The following SLC6A15 variants were observed in gnomAD, a reference collection of about 807,000 sequenced individuals.
SLC6A15 encodes sodium-dependent neutral amino acid transporter B(0)AT2.
A neutral mutation model predicts 68.5 loss-of-function variants in SLC6A15; 33 were observed. The ratio of observed to expected loss-of-function variants is 0.48; its 90% confidence interval spans 0.37 to 0.64. The LOEUF (loss-of-function observed/expected upper bound fraction) is 0.64. SLC6A15 is among the 30% of genes least tolerant of loss of function. SLC6A15 has a pLI of 0.00. For synonymous variants in SLC6A15, 347 were observed against 301.0 expected (o/e 1.15, Z -1.58); for missense variants, 747 against 874.3 (o/e 0.85, Z 1.84).
At chr12:84,884,151 A>AG (rs1871968041) in intron 4 of SLC6A15, 111 bp from the exon 5 acceptor site, 1 of 792,814 alleles carries the variant, frequency 1.3e-6, no homozygotes, top group Admixed American at 2.5e-5. Flanking sequence ...GAAAAGTACT[A>AG]CCATTGTATA....
chr12:84,892,051 G>T lies in SLC6A15; in HGVS notation c.70C>A (p.Leu24Ile). ...DDVTESVKDLLSNEDAADDAF... is the reference protein window; with the variant it reads ...DDVTESVKDLISNEDAADDAF... ...TCATCAGCTGCGTCTTCATTGGAAA[G>T]AAGGTCTTTGACAGACTCAGTAACA... The change falls in exon 2 of 12, where the codon CTT becomes ATT. Residue 24 changes from leucine to isoleucine, a missense_variant. Transcript: ENST00000266682. 6.2e-7 allele frequency: 1 copy of T among 1,612,228 alleles called. No individual in the cohort carries two copies. Among genetic ancestry groups the T allele is most frequent in the Non-Finnish European group, 8.5e-7 (1 of 1,179,382 alleles).
intron 5 of SLC6A15, chr12:84,882,099 T>C: frequency 1.0e-6 from 1 of 985,402 alleles, no homozygotes. Flanking sequence ...AATAGTTCTT[T>C]AAGTGATGCT....
Position 84,892,035 on chromosome 12 carries a change from GC to G in SLC6A15, c.85del (p.Ala29GlnfsTer11), listed in dbSNP as rs1338179186. 1 of 1,613,526 alleles carries G rather than the reference GC, an allele frequency of 6.2e-7. No homozygotes were observed. Among genetic ancestry groups the G allele is most frequent in the African/African-American group, 1.3e-5 (1 of 74,744 alleles). ...ACTTGTCTTAAAAGCATCATCAGCT[GC>G]GTCTTCATTGGAAAGAAGGTCTTTG... is the stretch of plus-strand genomic sequence containing the variant. ...SVKDLLSNED[A>X]ADDAFKTSEL... On this transcript the variant is annotated frameshift_variant, in exon 2 of 12. Transcript: ENST00000266682. LOFTEE classifies it high-confidence loss of function.
At position 84,861,655 on chromosome 12, in the gene SLC6A15, C is replaced by G; in HGVS notation, c.2170G>C (p.Asp724His). ...AGCTACAAATCAGATTCTGGCATATCTGGCATAATATCTGCCATCAAGTAC... is the reference window on the plus strand; with the variant it reads ...AGCTACAAATCAGATTCTGGCATATGTGGCATAATATCTGCCATCAAGTAC... ...IGYLMADIMP[D>H]MPESDL The change falls in exon 12 of 12, where the codon GAT becomes CAT. Residue 724 changes from aspartate to histidine, a missense_variant. Coordinates refer to ENST00000266682, the MANE Select transcript of SLC6A15 (RefSeq NM_182767.6). The G allele has an allele frequency of 6.3e-7, 1 of 1,599,462 alleles. No individual in the cohort carries two copies. Among genetic ancestry groups the G allele is most frequent in the South Asian group, 1.1e-5 (1 of 90,264 alleles).
At chr12:84,873,503 T>C (rs1382183424) in intron 6 of SLC6A15, among the ~76,000 whole-genome samples, 175 bp from the exon 7 acceptor site, 1 of 152,198 alleles carries the variant, frequency 6.6e-6, no homozygotes, top group African/African-American at 2.4e-5. Flanking sequence ...AAACAAATAA[T>C]TATGAGTAAG....
At chr12:84,888,180 G>C (rs138115825) in intron 2 of SLC6A15, among the ~76,000 whole-genome samples, 1 of 148,432 alleles carries the variant, frequency 6.7e-6, no homozygotes, top group Non-Finnish European at 1.5e-5. Context: ...ACTGACTCTT[G>C]AGTCCAGAGA....
intron 8 of SLC6A15, among the ~76,000 whole-genome samples, chr12:84,871,880 C>T (rs566496805): frequency 2.6e-5 from 4 of 152,208 alleles, no homozygotes; most frequent in Admixed American, 6.5e-5. Context: ...CGGTTGGGCA[C>T]GGTGGCTGAG....
At chr12:84,886,829 T>C (rs887573093) in intron 2 of SLC6A15, among the ~76,000 whole-genome samples, 39 of 152,322 alleles carry the variant, frequency 2.6e-4, no homozygotes, top group African/African-American at 9.1e-4. Flanking sequence ...AATTAAGACA[T>C]ATGACTATGA....
rs1031730885 is a variant in SLC6A15 at position 84,863,614 on chromosome 12, A to T, written c.1656-13T>A. On this transcript the variant is annotated splice_polypyrimidine_tract_variant and intron_variant, in intron 10 of 11. Coordinates refer to ENST00000266682, the MANE Select transcript of SLC6A15 (RefSeq NM_182767.6). ...GTCTTCCATAAACCTGAATAAAAAG[A>T]AAGTATTTAATTATTCCTTAATTTA... 6 of 1,501,424 alleles carry T rather than the reference A, an allele frequency of 4.0e-6. No homozygotes were observed. Among genetic ancestry groups the T allele is most frequent in the Non-Finnish European group, 8.8e-7 (1 of 1,131,166 alleles). 93.0% of individuals were successfully genotyped at this position (1,501,424 alleles called of 1,614,324 possible). A position where few individuals can be genotyped will look rare whatever the true frequency, so the allele number is the denominator to read the frequency against.
At chr12:84,898,174 T>C (rs1210214239) in intron 1 of SLC6A15, among the ~76,000 whole-genome samples, 1 of 152,092 alleles carries the variant, frequency 6.6e-6, no homozygotes, top group Non-Finnish European at 1.5e-5. Context: ...ACCCCATCTC[T>C]ACCAAAAACT....
At chr12:84,908,091 T>C (rs1873255153) in intron 1 of SLC6A15, among the ~76,000 whole-genome samples, 1 of 152,156 alleles carries the variant, frequency 6.6e-6, no homozygotes, top group African/African-American at 2.4e-5. Context: ...AATCCTTATG[T>C]AATGGAACTC....
Position 84,892,170 on chromosome 12 carries a change from C to G in SLC6A15, c.-50G>C, listed in dbSNP as rs1325002269. On this transcript the variant is annotated 5_prime_UTR_variant, in exon 2 of 12. Coordinates refer to ENST00000266682, the MANE Select transcript of SLC6A15 (RefSeq NM_182767.6). ...AAAAAAAAAAAAAACTCCCTTATGGCAAATGTGTTAACTCTATTTTTCAAA... is the reference window on the plus strand; with the variant it reads ...AAAAAAAAAAAAAACTCCCTTATGGGAAATGTGTTAACTCTATTTTTCAAA... 1.1e-5 allele frequency: 16 copies of G among 1,426,798 alleles called. No homozygotes were observed. The highest frequency in any genetic ancestry group is 1.5e-5 in the Non-Finnish European group (16 of 1,053,056). The allele number at this position is 1,426,798 out of a possible 1,614,324, so 88.4% of individuals were successfully genotyped here. A position where few individuals can be genotyped will look rare whatever the true frequency, so the allele number is the denominator to read the frequency against.
chr12:84,887,765 T>A (rs1052721271), intron 2 of SLC6A15, among the ~76,000 whole-genome samples: 1 of 152,136 alleles, frequency 6.6e-6, no homozygotes, highest in African/African-American at 2.4e-5. Context: ...TTTTTTCCAG[T>A]CATGTGTGGG....
intron 4 of SLC6A15, 63 bp downstream of exon 4, chr12:84,885,372 G>A: frequency 7.2e-7 from 1 of 1,391,782 alleles, no homozygotes; most frequent in Non-Finnish European, 9.5e-7. Flanking sequence ...AATCTTGAAA[G>A]CTTGTACCTT....
At chr12:84,910,850 G>C (rs369475448) in intron 1 of SLC6A15, among the ~76,000 whole-genome samples, 1 of 152,088 alleles carries the variant, frequency 6.6e-6, no homozygotes, top group African/African-American at 2.4e-5. Context: ...GCGGGCTCCG[G>C]CATTAGGCTG....
chr12:84,876,132 G>C (rs1871528628), intron 6 of SLC6A15, among the ~76,000 whole-genome samples: 2 of 147,796 alleles, frequency 1.4e-5, no homozygotes, highest in Non-Finnish European at 3.0e-5. Flanking sequence ...TTTTTCAAAG[G>C]GATCCATGAC....
At chr12:84,891,723 A>G (rs1353901525) in intron 2 of SLC6A15, 109 bp downstream of exon 2, 3 of 1,167,190 alleles carry the variant, frequency 2.6e-6, no homozygotes, top group Non-Finnish European at 3.6e-6. Context: ...CTAGCTTTAC[A>G]ATGAAATTGA....
At chr12:84,911,143 T>C (rs914412945) in intron 1 of SLC6A15, among the ~76,000 whole-genome samples, 6 of 152,286 alleles carry the variant, frequency 3.9e-5, no homozygotes, top group Non-Finnish European at 8.8e-5. Context: ...GGGCTGTGTC[T>C]GCACATAATA....
chr12:84,889,769 C>A (rs191883720), intron 2 of SLC6A15, among the ~76,000 whole-genome samples: 1 of 152,142 alleles, frequency 6.6e-6, no homozygotes, highest in African/African-American at 2.4e-5. Context: ...TAAGCCTGAA[C>A]AAATGAGGTA....
Sources: gnomAD v4.1 joint callset for allele counts (sites outside exome capture counted in the v4.1 genomes callset) on GRCh38, gnomAD v4.1.1 for gene constraint, MANE v1.5 for transcripts, NCBI Gene and HGNC (gene_info 2026-07-23, HGNC 2026-07-21) for gene names.